GRIA1: variants seen among roughly 807,000 people sequenced by gnomAD.
The protein encoded by GRIA1 is glutamate ionotropic receptor AMPA type subunit 1, also known as glutamate receptor 1.
Under a neutral mutation model 99.2 loss-of-function variants are expected in GRIA1, and 31 were observed. The observed-to-expected ratio is 0.31, with a 90% CI of 0.23 to 0.42. The LOEUF is 0.42. Ranked by LOEUF, GRIA1 falls within the 10% of genes least tolerant of loss-of-function variation. GRIA1 has a pLI of 1.00. For missense variants in GRIA1, 782 were observed against 1,157.5 expected (o/e 0.68, Z 4.71); for synonymous variants, 438 against 432.4 (o/e 1.01, Z -0.16).
intron 2 of GRIA1, among the ~76,000 whole-genome samples, chr5:153,564,329 T>C (rs923420402): frequency 1.3e-5 from 2 of 152,152 alleles, no homozygotes; most frequent in Non-Finnish European, 2.9e-5. Context: ...GAAGTTTTTG[T>C]TTGTCTGTGT....
In GRIA1 at chr5:153,778,032, A is replaced by G. The variant is rs144639835; in HGVS notation, c.2270+7617A>G. 2.4e-3 allele frequency among the ~76,000 whole-genome samples: 367 copies of G among 152,216 alleles called. 2 individuals carry two copies. Among genetic ancestry groups the G allele is most frequent in the African/African-American group, 8.5e-3 (351 of 41,522 alleles). On this transcript the variant is annotated intron_variant, in intron 13 of 15. Coordinates refer to ENST00000285900, the MANE Select transcript of GRIA1 (RefSeq NM_000827.4). ...CCCTCTGAGTGGAGAGGCTGGATTT[A>G]TTTGCATCCTCAGAAGAGCTGGAGA...
intron 11 of GRIA1, among the ~76,000 whole-genome samples, chr5:153,720,661 G>A (rs1488205442): frequency 6.6e-6 from 1 of 152,218 alleles, no homozygotes; most frequent in Admixed American, 6.5e-5. Flanking sequence ...TATCAAGGCT[G>A]TGTAGAGAGC....
At chr5:153,568,323 T>G (rs1761829569) in intron 2 of GRIA1, among the ~76,000 whole-genome samples, 1 of 152,220 alleles carries the variant, frequency 6.6e-6, no homozygotes, top group Non-Finnish European at 1.5e-5. Context: ...ACCAGCAGCA[T>G]CAGCATCACC....
intron 12 of GRIA1, 145 bp downstream of exon 12, chr5:153,764,777 TC>T (rs1197058399): frequency 8.1e-6 from 5 of 619,334 alleles, no homozygotes; most frequent in Non-Finnish European, 1.4e-5. Context: ...TCAGGACATT[TC>T]TAAGCTTTCT....
intron 11 of GRIA1, among the ~76,000 whole-genome samples, chr5:153,752,402 C>T (rs1762561733): frequency 6.6e-6 from 1 of 152,150 alleles, no homozygotes. Context: ...TTCCATGCTA[C>T]TTTCTTACTT....
chr5:153,530,326 TTAAG>T (rs1207653083), intron 2 of GRIA1, among the ~76,000 whole-genome samples: 1 of 152,210 alleles, frequency 6.6e-6, no homozygotes, highest in Non-Finnish European at 1.5e-5. Flanking sequence ...TTGGTGAACT[TTAAG>T]TAACTATCAA....
At chr5:153,498,875 C>T (rs539985663) in intron 2 of GRIA1, among the ~76,000 whole-genome samples, 2 of 152,152 alleles carry the variant, frequency 1.3e-5, no homozygotes, top group Non-Finnish European at 2.9e-5. Context: ...TGTTTGATTG[C>T]TAGAGTAATC....
chr5:153,691,595 C>T (rs1581478186), intron 8 of GRIA1, among the ~76,000 whole-genome samples: 1 of 152,318 alleles, frequency 6.6e-6, no homozygotes, highest in Admixed American at 6.5e-5. Flanking sequence ...TCTAAAGTCC[C>T]AAAGAATTTA....
chr5:153,580,579 G>GTA (rs1762959226), intron 2 of GRIA1, among the ~76,000 whole-genome samples: 1 of 152,194 alleles, frequency 6.6e-6, no homozygotes, highest in Non-Finnish European at 1.5e-5. Flanking sequence ...TACCCATCCA[G>GTA]TACATGTCCT....
chr5:153,788,842 T>A (rs1179926473), intron 13 of GRIA1, among the ~76,000 whole-genome samples: 1 of 152,242 alleles, frequency 6.6e-6, no homozygotes, highest in Non-Finnish European at 1.5e-5. Flanking sequence ...CCACTCAATG[T>A]AGATGTCCCT....
rs1196248584 is a variant in GRIA1 at position 153,686,234 on chromosome 5, G to C, written c.1039G>C (p.Glu347Gln). Reference sequence around the variant, plus strand: ...TGGTTTTGTTTTCCAGGTGCGATTTGAAGGTTTAACAGGAAACGTGCAGTT... The same window carrying C: ...TGGTTTTGTTTTCCAGGTGCGATTTCAAGGTTTAACAGGAAACGTGCAGTT... The part of the protein sequence containing the change: ...IQRALQQVRF[E>Q]GLTGNVQFNE... Residue 347 changes from glutamate (E) to glutamine (Q), a missense_variant, in exon 8 of 16, where the codon GAA becomes CAA. By Grantham distance (29) the Glu-to-Gln change is conservative. This residue lies in a region of GRIA1 where 461 missense variants were observed against 521.7 expected (regional missense o/e 0.88). Coordinates refer to ENST00000285900, the MANE Select transcript of GRIA1 (RefSeq NM_000827.4). 6.2e-6 allele frequency: 10 copies of C among 1,613,510 alleles called. No homozygotes were observed. Among genetic ancestry groups the C allele is most frequent in the Non-Finnish European group, 8.5e-6 (10 of 1,179,428 alleles).
At chr5:153,727,428 A>T (rs1760642082) in intron 11 of GRIA1, among the ~76,000 whole-genome samples, 2 of 152,358 alleles carry the variant, frequency 1.3e-5, no homozygotes, top group South Asian at 4.1e-4. Context: ...TTCAATTAGG[A>T]AAAGAGGAAG....
intron 11 of GRIA1, among the ~76,000 whole-genome samples, chr5:153,720,870 G>A (rs1352496886): frequency 1.3e-5 from 2 of 152,186 alleles, no homozygotes; most frequent in African/African-American, 4.8e-5. Context: ...GGAACACCAA[G>A]TCTTTCCTTT....
chr5:153,569,715 G>T (rs937210), intron 2 of GRIA1, among the ~76,000 whole-genome samples: 1 of 152,132 alleles, frequency 6.6e-6, no homozygotes, highest in Non-Finnish European at 1.5e-5. Flanking sequence ...TATATGGTTT[G>T]GGTTTCCTAT....
intron 2 of GRIA1, among the ~76,000 whole-genome samples, chr5:153,596,544 A>G (rs1035321112): frequency 2.0e-5 from 3 of 152,176 alleles, no homozygotes; most frequent in African/African-American, 7.2e-5. Context: ...AGGAGGTTGC[A>G]CAGGTACAAA....
chr5:153,642,375 G>A (rs1160822010), intron 2 of GRIA1, among the ~76,000 whole-genome samples: 3 of 152,126 alleles, frequency 2.0e-5, no homozygotes, highest in Non-Finnish European at 4.4e-5. Flanking sequence ...AAATGTCTTT[G>A]GCACAGTGTC....
chr5:153,650,214 G>A, intron 3 of GRIA1, 116 bp from the exon 4 acceptor site: 1 of 773,602 alleles, frequency 1.3e-6, no homozygotes, highest in Non-Finnish European at 2.1e-6. Context: ...CTAGAACTGA[G>A]TTTGGCAGAA....
intron 2 of GRIA1, among the ~76,000 whole-genome samples, chr5:153,553,425 A>G (rs1365428042): frequency 6.6e-6 from 1 of 152,224 alleles, no homozygotes; most frequent in Non-Finnish European, 1.5e-5. Flanking sequence ...AAAGTAAAGT[A>G]CACTTGGAAG....
intron 8 of GRIA1, among the ~76,000 whole-genome samples, chr5:153,691,714 G>A (rs1581478399): frequency 6.6e-6 from 1 of 152,106 alleles, no homozygotes; most frequent in African/African-American, 2.4e-5. Flanking sequence ...TAGCATCTCA[G>A]ATATAGCCTA....
Sources: gnomAD v4.1 joint callset for allele counts (sites outside exome capture counted in the v4.1 genomes callset) on GRCh38, gnomAD v4.1.1 for gene constraint, gnomAD v4.1.1 regional missense constraint, MANE v1.5 for transcripts, NCBI Gene and HGNC (gene_info 2026-07-23, HGNC 2026-07-21) for gene names.